The following CMIP variants were observed in gnomAD, a reference collection of about 807,000 sequenced individuals.
CMIP encodes c-Maf inducing protein.
A neutral mutation model predicts 97.3 loss-of-function variants in CMIP; 13 were observed. The ratio of observed to expected loss-of-function variants is 0.13; its 90% CI spans 0.09 to 0.21. CMIP has a LOEUF of 0.21. Ranked by LOEUF, CMIP falls within the 10% of genes least tolerant of loss-of-function variation. The probability of loss-of-function intolerance (pLI) is 1.00; values close to 1 mark genes in which losing one functional copy is unlikely to be tolerated. For missense variants in CMIP, 847 were observed against 1,024.9 expected, an observed-to-expected ratio of 0.83 and a Z score of 2.37; for synonymous variants, 538 against 436.3, an observed-to-expected ratio of 1.23 and a Z score of -2.91.
rs181723223 is a variant in CMIP, at chr16:81,627,262, T to C, written c.477+6336T>C. On this transcript the variant is annotated intron_variant, in intron 3 of 20. Transcript: ENST00000537098. This position sits in a 1 kb window ranked among gnomAD's most constrained non-coding sequence, Gnocchi z 4.6. ...GTGTGTGTGTGGCCTGTGGGGATACTATGAGTATGCTGGTTTGGAGTGTGT... is the reference window on the plus strand; with the variant it reads ...GTGTGTGTGTGGCCTGTGGGGATACCATGAGTATGCTGGTTTGGAGTGTGT... 6.6e-6 allele frequency among the ~76,000 whole-genome samples: 1 copy of C among 152,054 alleles called. No homozygotes were observed. The highest frequency in any genetic ancestry group is 1.9e-4 in the East Asian group (1 of 5,178).
Position 81,549,839 on chromosome 16 carries a change from T to G in CMIP, c.301-57728T>G, listed in dbSNP as rs2090618219. 1.3e-5 allele frequency among the ~76,000 whole-genome samples: 2 copies of G among 152,170 alleles called. 1 individual carries two copies. Among genetic ancestry groups the G allele is most frequent in the South Asian group, 4.1e-4 (2 of 4,834 alleles). Reference sequence around the variant, plus strand: ...TGTGGAGAAACCAGGCAAATGTGTGTGTGCATGCGCGCGTGCATATGCCAG... The same window carrying G: ...TGTGGAGAAACCAGGCAAATGTGTGGGTGCATGCGCGCGTGCATATGCCAG... On this transcript the variant is annotated intron_variant, in intron 1 of 20. Coordinates refer to ENST00000537098, the MANE Select transcript of CMIP (RefSeq NM_198390.3).
chr16:81,497,585 C>T (rs752760370), intron 1 of CMIP, among the ~76,000 whole-genome samples: 1 of 152,242 alleles, frequency 6.6e-6, no homozygotes, highest in African/African-American at 2.4e-5. Context: ...ACTCTAATAA[C>T]CCATCTTGCC....
At chr16:81,698,169 C>A (rs962577956) in intron 14 of CMIP, 1 of 152,246 alleles carries the variant, frequency 6.6e-6, no homozygotes, top group Non-Finnish European at 1.5e-5. Context: ...GTGTTGTTGC[C>A]ATGGAGATGC....
At chr16:81,611,729 C>T (rs1170559054) in intron 2 of CMIP, among the ~76,000 whole-genome samples, 2 of 152,318 alleles carry the variant, frequency 1.3e-5, no homozygotes, top group African/African-American at 4.8e-5. Flanking sequence ...TCTTCCTCCT[C>T]CTCCGCTCTC....
intron 3 of CMIP, among the ~76,000 whole-genome samples, chr16:81,640,523 T>G (rs1004432341): frequency 1.3e-5 from 2 of 152,154 alleles, no homozygotes; most frequent in Non-Finnish European, 2.9e-5. Context: ...ATGACAAATT[T>G]CCGTAAACTG....
intron 1 of CMIP, among the ~76,000 whole-genome samples, chr16:81,449,317 A>G (rs890531260): frequency 2.4e-4 from 36 of 152,264 alleles, no homozygotes; most frequent in South Asian, 1.9e-3. Context: ...TTTGATTGCA[A>G]TGTTTCTGGG....
At chr16:81,513,613 C>T (rs1366460514) in intron 1 of CMIP, among the ~76,000 whole-genome samples, 1 of 152,160 alleles carries the variant, frequency 6.6e-6, no homozygotes, top group East Asian at 1.9e-4. Context: ...GACTTGGGAA[C>T]CCCCCGGTCC....
At chr16:81,695,601 G>C (rs1376236022) in intron 13 of CMIP, 1 of 152,240 alleles carries the variant, frequency 6.6e-6, no homozygotes, top group African/African-American at 2.4e-5. Flanking sequence ...GCACGCCCTT[G>C]CTCTCATGCT....
intron 1 of CMIP, among the ~76,000 whole-genome samples, chr16:81,542,373 T>A (rs953492377): frequency 9.2e-5 from 14 of 152,188 alleles, no homozygotes; most frequent in African/African-American, 3.4e-4. Context: ...GTCCCAGTTG[T>A]ATGCTCTGTG....
At chr16:81,501,550 G>A (rs1168865336) in intron 1 of CMIP, among the ~76,000 whole-genome samples, 1 of 152,094 alleles carries the variant, frequency 6.6e-6, no homozygotes, top group African/African-American at 2.4e-5. Context: ...GTGGGGTCGG[G>A]GGCAGGATCT....
Position 81,678,641 on chromosome 16 carries a change from C to CCG in CMIP, c.1388+14_1388+15insGC, listed in dbSNP as rs756077297. ...TCCTCAAGCTGCTGTGAGTGCCCCCCCCGCGTGCCCGCCCCCGGGGCCGGT... is the reference window on the plus strand; with the variant it reads ...TCCTCAAGCTGCTGTGAGTGCCCCCCCGCCGCGTGCCCGCCCCCGGGGCCGGT... On this transcript the variant is annotated intron_variant, in intron 10 of 20. Coordinates refer to ENST00000537098, the MANE Select transcript of CMIP (RefSeq NM_198390.3). The CCG allele has an allele frequency of 2.1e-5, 28 of 1,318,112 alleles. No homozygotes were observed. Among genetic ancestry groups the CCG allele is most frequent in the Admixed American group, 7.2e-5 (4 of 55,398 alleles). 81.7% of individuals were successfully genotyped at this position (1,318,112 alleles called of 1,614,324 possible).
chr16:81,699,447 C>G (rs566345583), intron 14 of CMIP, among the ~76,000 whole-genome samples: 2 of 152,314 alleles, frequency 1.3e-5, no homozygotes, highest in South Asian at 4.2e-4. Flanking sequence ...ATGAACGTGA[C>G]TTTCGCGACT....
chr16:81,590,026 G>A (rs956907675), intron 1 of CMIP, among the ~76,000 whole-genome samples: 3 of 151,410 alleles, frequency 2.0e-5, no homozygotes, highest in African/African-American at 7.4e-5. Flanking sequence ...GAGGCCCAGG[G>A]ATTGACTGCA....
intron 4 of CMIP, among the ~76,000 whole-genome samples, chr16:81,657,336 G>C (rs1319188591): frequency 6.6e-6 from 1 of 152,152 alleles, no homozygotes; most frequent in African/African-American, 2.4e-5. Flanking sequence ...CTCCTAAAAG[G>C]CTGCCTGGCA....
chr16:81,481,085 C>T (rs1908232353), intron 1 of CMIP, among the ~76,000 whole-genome samples: 1 of 152,230 alleles, frequency 6.6e-6, no homozygotes, highest in African/African-American at 2.4e-5. Context: ...CTCAGCTGCA[C>T]ATGGTTTGTC....
intron 1 of CMIP, among the ~76,000 whole-genome samples, chr16:81,599,744 C>A (rs933274399): frequency 2.6e-5 from 4 of 152,130 alleles, no homozygotes; most frequent in African/African-American, 9.7e-5. Flanking sequence ...GTGAGACATC[C>A]CCTGCTCTGT....
intron 1 of CMIP, among the ~76,000 whole-genome samples, chr16:81,565,690 G>A (rs2090967786): frequency 6.6e-6 from 1 of 152,174 alleles, no homozygotes; most frequent in South Asian, 2.1e-4. Context: ...GAGATTCAGA[G>A]GGGCAGGGAG....
In CMIP at chr16:81,614,512, GGT is replaced by G. The variant is rs1214608934; in HGVS notation, c.427-6354_427-6353del. ...ACAAATGATGACCCCAGCAAGTCTGGGTGTGTGTGTGGTATATGCATTGGTTT... is the reference window on the plus strand; with the variant it reads ...ACAAATGATGACCCCAGCAAGTCTGGGTGTGTGTGGTATATGCATTGGTTT... On this transcript the variant is annotated intron_variant, in intron 2 of 20. Coordinates refer to ENST00000537098, the MANE Select transcript of CMIP (RefSeq NM_198390.3). The surrounding 1 kb of genome is among the most constrained non-coding windows in gnomAD (Gnocchi z 5.3). 1.3e-5 allele frequency among the ~76,000 whole-genome samples: 2 copies of G among 152,154 alleles called. No individual in the cohort carries two copies. Among genetic ancestry groups the G allele is most frequent in the Non-Finnish European group, 2.9e-5 (2 of 68,020 alleles).
At chr16:81,670,034 C>G (rs1455533100) in intron 7 of CMIP, 108 bp from the exon 8 acceptor site, 3 of 1,034,490 alleles carry the variant, frequency 2.9e-6, no homozygotes, top group Admixed American at 5.1e-5. Flanking sequence ...TCCACATCAA[C>G]AGCTCCAGGC....
Sources: gnomAD v4.1 joint callset for allele counts (sites outside exome capture counted in the v4.1 genomes callset) on GRCh38, gnomAD v4.1.1 for gene constraint, Gnocchi (gnomAD v3.1) non-coding constraint, MANE v1.5 for transcripts, NCBI Gene and HGNC (gene_info 2026-07-23, HGNC 2026-07-21) for gene names.